The following RASGRF1 variants were observed in gnomAD, a reference collection of about 807,000 sequenced individuals.
RASGRF1 encodes ras-specific guanine nucleotide-releasing factor 1.
Under a neutral mutation model 138.7 loss-of-function variants are expected in RASGRF1, and 40 were observed. The observed-to-expected ratio is 0.29, with a 90% CI of 0.22 to 0.38. RASGRF1 has a LOEUF of 0.38. Ranked by LOEUF, RASGRF1 falls within the 10% of genes least tolerant of loss-of-function variation. The pLI is 1.00. For synonymous variants in RASGRF1, 614 were observed against 663.2 expected (o/e 0.93, Z 1.14); for missense variants, 1,108 against 1,650.4 (o/e 0.67, Z 5.69).
At position 78,990,290 on chromosome 15, in the gene RASGRF1, G is replaced by A. The variant is rs1567461721; in HGVS notation, c.3132-17C>T. On this transcript the variant is annotated splice_polypyrimidine_tract_variant and intron_variant, in intron 21 of 26. Coordinates refer to ENST00000558480, the MANE Select transcript of RASGRF1 (RefSeq NM_001145648.3). The stretch of plus-strand genomic sequence containing the variant: ...AAGAACTCCCTGTAGGAAGTAAGGG[G>A]AGACCCAGGTGGAGGGGGTGAGGTT... 6.5e-7 allele frequency: 1 copy of A among 1,539,782 alleles called. No homozygotes were observed. The highest frequency in any genetic ancestry group is 9.0e-7 in the Non-Finnish European group (1 of 1,112,426).
chr15:79,089,604 G>T (rs1235751414), intron 1 of RASGRF1, among the ~76,000 whole-genome samples: 1 of 152,212 alleles, frequency 6.6e-6, no homozygotes, highest in Non-Finnish European at 1.5e-5. Context: ...GAATCTTTGG[G>T]CTTGTTGCTC....
chr15:79,061,413 A>ATATATATATATATATATATATATATAT (rs1567598878), intron 2 of RASGRF1, among the ~76,000 whole-genome samples: 15 of 117,042 alleles, frequency 1.3e-4, no homozygotes, highest in African/African-American at 3.5e-4. Context: ...CTATCTTTAA[A>ATATATATATATATATATATATATATAT]ATATATATAT....
intron 10 of RASGRF1, among the ~76,000 whole-genome samples, chr15:79,023,139 A>C (rs1481842120): frequency 2.6e-5 from 4 of 151,544 alleles, no homozygotes; most frequent in Non-Finnish European, 5.9e-5. Context: ...ACGCCACTGC[A>C]CTCCAGTCTG....
At chr15:79,029,472 C>A (rs1213295162) in intron 8 of RASGRF1, among the ~76,000 whole-genome samples, 1 of 152,112 alleles carries the variant, frequency 6.6e-6, no homozygotes, top group Non-Finnish European at 1.5e-5. Context: ...GTTCCAGCCC[C>A]AGGTGGGGGT....
At chr15:79,001,510 G>A (rs2056524826) in intron 16 of RASGRF1, 152 bp downstream of exon 16, 4 of 998,174 alleles carry the variant, frequency 4.0e-6, no homozygotes, top group Non-Finnish European at 5.6e-6. Flanking sequence ...GCGGGTGGTG[G>A]TGGGTGGGTT....
intron 24 of RASGRF1, chr15:78,978,785 C>G (rs1280482551): frequency 2.7e-6 from 3 of 1,128,078 alleles, no homozygotes; most frequent in Non-Finnish European, 3.3e-6. Flanking sequence ...CAGGTTTCCC[C>G]AGTCCCTCCC....
intron 24 of RASGRF1, 131 bp downstream of exon 24, chr15:78,980,489 G>C: frequency 1.6e-6 from 1 of 623,558 alleles, no homozygotes; most frequent in Non-Finnish European, 2.7e-6. Flanking sequence ...GAAATCTAGG[G>C]GTCTTGTGGG....
In RASGRF1 at chr15:79,046,924, G is replaced by A; in HGVS notation, c.700C>T (p.His234Tyr). The part of the protein sequence containing the change: ...TIIQDYIRSP[H>Y]ADSMRKRNQV... ...TTCCTCTTGCGCATGCTGTCAGCAT[G>A]GGGTGACCGGATGTAGTCCTGGATG... The change falls in exon 5 of 27, where the codon CAT (histidine) becomes TAT (tyrosine). Residue 234 changes from histidine to tyrosine, a missense_variant. By Grantham distance (83) the His-to-Tyr change is moderately conservative. This residue lies in a region of RASGRF1 where 253 missense variants were observed against 329.5 expected (regional missense o/e 0.77). Coordinates refer to ENST00000558480, the MANE Select transcript of RASGRF1 (RefSeq NM_001145648.3). This position sits in a 1 kb window ranked among gnomAD's most constrained non-coding sequence, Gnocchi z 5.3. 1 of 1,614,116 alleles carries A rather than the reference G, an allele frequency of 6.2e-7. No individual in the cohort carries two copies.
chr15:79,015,483 C>T, intron 12 of RASGRF1, 74 bp from the exon 13 acceptor site: 5 of 1,357,528 alleles, frequency 3.7e-6, no homozygotes, highest in Non-Finnish European at 5.3e-6. Flanking sequence ...GCTCTGCCAA[C>T]TGTAAAGTTC....
At chr15:79,026,567 C>G (rs4778601) in intron 9 of RASGRF1, among the ~76,000 whole-genome samples, 71,754 of 152,020 alleles carry the variant, frequency 0.47, 18,526 homozygotes, top group South Asian at 0.63. Flanking sequence ...ATGAGCAGGG[C>G]AGGTATCAGT....
chr15:79,042,836 G>A (rs1360704934), intron 5 of RASGRF1, among the ~76,000 whole-genome samples: 1 of 152,218 alleles, frequency 6.6e-6, no homozygotes, highest in South Asian at 2.1e-4. Flanking sequence ...TAGTCCAGAA[G>A]CTTCAATCCT....
chr15:78,972,512 T>C (rs527483822), intron 25 of RASGRF1, among the ~76,000 whole-genome samples: 2 of 151,958 alleles, frequency 1.3e-5, no homozygotes, highest in African/African-American at 4.8e-5. Flanking sequence ...CTTTAATTAG[T>C]GGCATAAGCT....
chr15:79,063,138 C>T (rs936170147), intron 2 of RASGRF1, among the ~76,000 whole-genome samples: 3 of 152,140 alleles, frequency 2.0e-5, no homozygotes, highest in African/African-American at 7.2e-5. Flanking sequence ...CTCTATACAC[C>T]AGAGCTACCT....
intron 5 of RASGRF1, among the ~76,000 whole-genome samples, chr15:79,035,916 C>T (rs1386856883): frequency 1.3e-5 from 2 of 152,210 alleles, no homozygotes. Context: ...CCCAGAGTCC[C>T]GCTGCTTGCA....
At chr15:78,998,018 C>G in intron 19 of RASGRF1, 78 bp downstream of exon 19, 2 of 1,327,590 alleles carry the variant, frequency 1.5e-6, no homozygotes, top group Non-Finnish European at 2.2e-6. Context: ...GGGCCTCTGA[C>G]CAGCCCACAT....
Position 78,975,835 on chromosome 15 carries a change from T to C in RASGRF1, c.3495-2415A>G, listed in dbSNP as rs149148460. 3.3e-3 allele frequency among the ~76,000 whole-genome samples: 497 copies of C among 152,306 alleles called. 2 individuals are homozygous for C. The highest frequency in any genetic ancestry group is 0.012 in the African/African-American group (480 of 41,564). On this transcript the variant is annotated intron_variant, in intron 24 of 26. Transcript: ENST00000558480. ...GTGCCCGGCCAGCTCTTCATTTCCTTTCTATCATACTCCAAGTCTGAAGCC... is the reference window on the plus strand; with the variant it reads ...GTGCCCGGCCAGCTCTTCATTTCCTCTCTATCATACTCCAAGTCTGAAGCC...
Position 78,984,990 on chromosome 15 carries a change from C to T in RASGRF1, c.3414+17G>A, listed in dbSNP as rs1423922000. ...TCCAGCCCCAGGGAGGCAGTGGTGCCAGCCTCCTGCCCGCACCTGCTTAGA... is the reference window on the plus strand; with the variant it reads ...TCCAGCCCCAGGGAGGCAGTGGTGCTAGCCTCCTGCCCGCACCTGCTTAGA... On this transcript the variant is annotated intron_variant, in intron 23 of 26. Coordinates refer to ENST00000558480, the MANE Select transcript of RASGRF1 (RefSeq NM_001145648.3). 2 of 1,611,850 alleles carry T rather than the reference C, an allele frequency of 1.2e-6. No homozygotes were observed. Among genetic ancestry groups the T allele is most frequent in the South Asian group, 1.1e-5 (1 of 90,982 alleles).
intron 13 of RASGRF1, among the ~76,000 whole-genome samples, chr15:79,013,064 C>T (rs1228992227): frequency 6.6e-6 from 1 of 152,200 alleles, no homozygotes; most frequent in Non-Finnish European, 1.5e-5. Flanking sequence ...GTAATTCCAG[C>T]TGTGAGTTTT....
At chr15:78,975,456 C>T (rs2055851827) in intron 24 of RASGRF1, among the ~76,000 whole-genome samples, 1 of 149,530 alleles carries the variant, frequency 6.7e-6, no homozygotes, top group Non-Finnish European at 1.5e-5. Context: ...TGCATCCTTC[C>T]ATCCCTTCCA....
Sources: gnomAD v4.1 joint callset for allele counts (sites outside exome capture counted in the v4.1 genomes callset) on GRCh38, gnomAD v4.1.1 for gene constraint, gnomAD v4.1.1 regional missense constraint, Gnocchi (gnomAD v3.1) non-coding constraint, MANE v1.5 for transcripts, NCBI Gene and HGNC (gene_info 2026-07-23, HGNC 2026-07-21) for gene names.